Variants in PLCE1 observed in about 807,000 individuals in gnomAD.
PLCE1 encodes 1-phosphatidylinositol 4,5-bisphosphate phosphodiesterase epsilon-1.
In PLCE1, 119 loss-of-function variants were observed where a neutral mutation model predicts 242.8. That is an observed-to-expected ratio of 0.49 (90% confidence interval 0.42 to 0.57). The LOEUF is 0.57. Ranked by LOEUF, PLCE1 falls within the 20% of genes least tolerant of loss-of-function variation. The pLI, the probability that PLCE1 is intolerant of heterozygous loss-of-function variation, is 0.00. For missense variants in PLCE1, 2,441 were observed against 2,788.8 expected, an observed-to-expected ratio of 0.88 and a Z score of 2.81; for synonymous variants, 945 against 1,017.4, an observed-to-expected ratio of 0.93 and a Z score of 1.35.
At chr10:94,266,039 C>A in intron 16 of PLCE1, 81 bp downstream of exon 16, 1 of 1,336,938 alleles carries the variant, frequency 7.5e-7, no homozygotes, top group East Asian at 2.3e-5. Flanking sequence ...AAACCTGACC[C>A]CAGACTCCTT....
At position 94,332,411 on chromosome 10, in the gene PLCE1, C is replaced by G. The variant is rs1264119138; in HGVS notation, c.*4468C>G. 1 of 152,016 alleles carries G rather than the reference C, an allele frequency of 6.6e-6. No individual in the cohort carries two copies. The highest frequency in any genetic ancestry group is 1.5e-5 in the Non-Finnish European group (1 of 68,028). The allele number at this position is 152,016 out of a possible 1,614,324, so 9.4% of individuals were successfully genotyped here. On this transcript the variant is annotated 3_prime_UTR_variant, in exon 33 of 33. Transcript: ENST00000371380. ...TTCCCACCCCACTCTTAAGTGCCAG[C>G]ATAGTGCTAAACACACAGTAGGTGC...
At chr10:94,058,222 T>C (rs931771822) in intron 2 of PLCE1, among the ~76,000 whole-genome samples, 1 of 152,196 alleles carries the variant, frequency 6.6e-6, no homozygotes, top group Non-Finnish European at 1.5e-5. Flanking sequence ...TTTTAAATTG[T>C]CAAGTGCTCC....
At chr10:94,189,902 C>T (rs1054941148) in intron 4 of PLCE1, among the ~76,000 whole-genome samples, 1 of 152,190 alleles carries the variant, frequency 6.6e-6, no homozygotes, top group African/African-American at 2.4e-5. Context: ...AACCCTGTTA[C>T]TTATTAGCAG....
At position 93,993,986 on chromosome 10, in the gene PLCE1, T is replaced by C. The variant is rs2060767965; in HGVS notation, c.-637T>C. Among the ~76,000 whole-genome samples, 1 of 151,364 alleles carries C rather than the reference T, an allele frequency of 6.6e-6. No individual in the cohort carries two copies. Among genetic ancestry groups the C allele is most frequent in the African/African-American group, 2.4e-5 (1 of 41,322 alleles). ...CTGTGAACGGCGCGGGTCCACACGG[T>C]AACGCTGGGCAACGTGGGCAACGCG... is the stretch of plus-strand genomic sequence containing the variant. On this transcript the variant is annotated 5_prime_UTR_variant, in exon 1 of 33. Transcript: ENST00000371380.
intron 23 of PLCE1, among the ~76,000 whole-genome samples, chr10:94,295,458 C>G (rs2052780299): frequency 6.6e-6 from 1 of 152,158 alleles, no homozygotes. Context: ...GGCTATACTT[C>G]TAGTTCTCTT....
At chr10:94,134,881 T>C (rs2046718550) in intron 3 of PLCE1, among the ~76,000 whole-genome samples, 1 of 152,248 alleles carries the variant, frequency 6.6e-6, no homozygotes, top group Non-Finnish European at 1.5e-5. Context: ...TGGAAGTTTC[T>C]TTAACTTTTT....
intron 3 of PLCE1, among the ~76,000 whole-genome samples, chr10:94,152,975 A>G (rs1241540868): frequency 2.6e-5 from 4 of 152,300 alleles, no homozygotes; most frequent in African/African-American, 9.6e-5. Flanking sequence ...AAATGTGATA[A>G]TAACAAACAA....
intron 4 of PLCE1, among the ~76,000 whole-genome samples, chr10:94,195,295 T>C (rs2048785281): frequency 6.6e-6 from 1 of 152,074 alleles, no homozygotes. Context: ...GTCACTGCCT[T>C]AGAGAGAAAG....
chr10:94,047,656 A>T (rs1475011418), intron 2 of PLCE1, among the ~76,000 whole-genome samples: 2 of 152,068 alleles, frequency 1.3e-5, no homozygotes, highest in African/African-American at 4.8e-5. Flanking sequence ...ATTTATTTTT[A>T]TTTGTTTTTT....
chr10:94,220,448 C>T (rs1437890930), intron 4 of PLCE1, among the ~76,000 whole-genome samples: 1 of 131,050 alleles, frequency 7.6e-6, no homozygotes, highest in Non-Finnish European at 1.6e-5. Context: ...GAAACATGCT[C>T]TTTTATTCCT....
chr10:94,037,778 C>T (rs952676651), intron 2 of PLCE1, among the ~76,000 whole-genome samples: 12 of 152,096 alleles, frequency 7.9e-5, no homozygotes. Context: ...AATGTCCCCC[C>T]GCATCTCTGT....
chr10:94,310,761 T>C (rs997662444), intron 27 of PLCE1, among the ~76,000 whole-genome samples: 53 of 152,134 alleles, frequency 3.5e-4, no homozygotes, highest in African/African-American at 1.3e-3. Context: ...AAAAACATGG[T>C]GTCTTTTCCA....
intron 1 of PLCE1, among the ~76,000 whole-genome samples, chr10:94,013,131 T>C (rs2061204260): frequency 6.6e-6 from 1 of 152,230 alleles, no homozygotes; most frequent in South Asian, 2.1e-4. Flanking sequence ...TAAGTTTGCC[T>C]TCCTGGCAGA....
At chr10:94,097,847 G>A (rs753526419) in intron 2 of PLCE1, among the ~76,000 whole-genome samples, 3 of 152,208 alleles carry the variant, frequency 2.0e-5, no homozygotes, top group Non-Finnish European at 4.4e-5. Flanking sequence ...GAGGAAATGT[G>A]TCATCTGAGT....
At chr10:94,013,631 C>T (rs2061216822) in intron 1 of PLCE1, among the ~76,000 whole-genome samples, 1 of 152,226 alleles carries the variant, frequency 6.6e-6, no homozygotes, top group African/African-American at 2.4e-5. Flanking sequence ...AGCACATTCT[C>T]AGCTCTCAGG....
intron 2 of PLCE1, among the ~76,000 whole-genome samples, chr10:94,060,932 A>G (rs869177233): frequency 6.6e-6 from 1 of 151,702 alleles, no homozygotes; most frequent in Non-Finnish European, 1.5e-5. Flanking sequence ...CCTGGGCTCA[A>G]TGATCATCCA....
At chr10:94,088,078 A>G (rs2044904031) in intron 2 of PLCE1, 1 of 152,196 alleles carries the variant, frequency 6.6e-6, no homozygotes, top group African/African-American at 2.4e-5. Flanking sequence ...CATAAGCAAT[A>G]CAAACTGGTG....
In PLCE1 at chr10:94,171,215, G is replaced by A; in HGVS notation, c.1528G>A (p.Ala510Thr). Residue 510 changes from alanine (A) to threonine (T), a missense_variant, in exon 4 of 33, where the codon GCC becomes ACC. Ala to Thr is a moderately conservative substitution (Grantham distance 58, BLOSUM62 0). Around this residue, in one of 5 missense-constraint regions of PLCE1, gnomAD observed 733 missense variants for 754.2 expected, o/e 0.97. Transcript: ENST00000371380. ...AGGCCCCTCTGTGGCCAATTCCAAT[G>A]CCCTCCCTTCAAGTTCAGCTGGGAT... ...QPGPSVANSN[A>T]LPSSSAGISK... 6.2e-7 allele frequency: 1 copy of A among 1,614,184 alleles called. No homozygotes were observed. Among genetic ancestry groups the A allele is most frequent in the African/African-American group, 1.3e-5 (1 of 75,044 alleles).
intron 3 of PLCE1, among the ~76,000 whole-genome samples, chr10:94,137,238 C>T (rs1452475293): frequency 6.6e-6 from 1 of 152,174 alleles, no homozygotes; most frequent in Admixed American, 6.5e-5. Flanking sequence ...CCTTTTCCCT[C>T]TCCCCATTAA....
Sources: gnomAD v4.1 joint callset for allele counts (sites outside exome capture counted in the v4.1 genomes callset) on GRCh38, gnomAD v4.1.1 for gene constraint, gnomAD v4.1.1 regional missense constraint, MANE v1.5 for transcripts, NCBI Gene and HGNC (gene_info 2026-07-23, HGNC 2026-07-21) for gene names.